The following BANK1 variants were observed in gnomAD, a reference collection of about 807,000 sequenced individuals.
The protein encoded by BANK1 is B cell scaffold protein with ankyrin repeats 1.
In BANK1, 95 loss-of-function variants were observed where a neutral mutation model predicts 94.5. The ratio of observed to expected loss-of-function variants is 1.00; its 90% CI spans 0.85 to 1.19. BANK1 has a LOEUF of 1.19. Among genes scored for constraint, BANK1 ranks in the 50% most tolerant of loss-of-function variants. BANK1 has a pLI of 0.00. For missense variants in BANK1, 987 were observed against 932.2 expected, an observed-to-expected ratio of 1.06 and a Z score of -0.77; for synonymous variants, 334 against 308.4, an observed-to-expected ratio of 1.08 and a Z score of -0.87.
Position 102,060,197 on chromosome 4 carries a change from C to A in BANK1, c.1970-14C>A. 1 of 1,548,762 alleles carries A rather than the reference C, an allele frequency of 6.5e-7. No homozygotes were observed. The highest frequency in any genetic ancestry group is 8.6e-7 in the Non-Finnish European group (1 of 1,157,176). ...CTGGACTTTCTGTTAATGCACCCTC[C>A]CCTTGTATTTTAGACAGAGCTCGGA... is the stretch of plus-strand genomic sequence containing the variant. On this transcript the variant is annotated splice_polypyrimidine_tract_variant and intron_variant, in intron 11 of 16. Transcript: ENST00000322953.
Position 101,895,310 on chromosome 4 carries a change from C to T in BANK1, c.909C>T (p.Ser303=), listed in dbSNP as rs62321738. 1.0e-5 allele frequency: 16 copies of T among 1,558,496 alleles called. No individual in the cohort carries two copies. The East Asian group carries it at 3.8e-4, about 37-fold the overall frequency. The stretch of plus-strand genomic sequence containing the variant: ...TCTTTTTCACTTGAAAACAGAATAG[C>T]ATTGAAGAACTTGATGGTGTCCTTA... ...ADSGESLCQN[S]IEELDGVLTS... is the part of the protein sequence containing the mutation. The change falls in exon 6 of 17, where the codon AGC becomes AGT. Residue 303 remains serine, a synonymous_variant. Transcript: ENST00000322953.
rs147962747 is a variant in BANK1 at position 101,944,121 on chromosome 4, A to G, written c.1206+25932A>G. ...GTGAATGTGTGTGTGTACAGATCCA[A>G]CTGATTTAATACTCCTCAGTAAGCC... On this transcript the variant is annotated intron_variant, in intron 7 of 16. Coordinates refer to ENST00000322953, the MANE Select transcript of BANK1 (RefSeq NM_017935.5). 5.0e-3 allele frequency among the ~76,000 whole-genome samples: 764 copies of G among 151,644 alleles called. 2 individuals carry two copies. Among genetic ancestry groups the G allele is most frequent in the Non-Finnish European group, 8.7e-3 (590 of 67,780 alleles).
chr4:102,019,669 A>G (rs565693901), intron 7 of BANK1, among the ~76,000 whole-genome samples: 42 of 152,340 alleles, frequency 2.8e-4, no homozygotes, highest in Admixed American at 2.5e-3. Context: ...TCATCTTTGA[A>G]GCCATCATTG....
At chr4:101,837,301 T>C (rs1726865943) in intron 2 of BANK1, among the ~76,000 whole-genome samples, 1 of 152,226 alleles carries the variant, frequency 6.6e-6, no homozygotes, top group South Asian at 2.1e-4. Context: ...AATTGTTAGC[T>C]GCCAACTTTA....
At chr4:101,910,204 CA>C (rs1345344563) in intron 6 of BANK1, among the ~76,000 whole-genome samples, 3 of 152,110 alleles carry the variant, frequency 2.0e-5, no homozygotes, top group African/African-American at 4.8e-5. Context: ...GGGTTGGGTA[CA>C]AGAATTTACA....
At chr4:101,944,403 T>A (rs1039617878) in intron 7 of BANK1, among the ~76,000 whole-genome samples, 1 of 151,932 alleles carries the variant, frequency 6.6e-6, no homozygotes, top group African/African-American at 2.4e-5. Context: ...CTTAGGATGT[T>A]CACCCCTGTT....
At chr4:101,952,641 G>A (rs932950109) in intron 7 of BANK1, among the ~76,000 whole-genome samples, 1 of 152,030 alleles carries the variant, frequency 6.6e-6, no homozygotes, top group African/African-American at 2.4e-5. Flanking sequence ...TAAAACATTG[G>A]CTCATAATAG....
intron 6 of BANK1, among the ~76,000 whole-genome samples, chr4:101,910,569 C>T (rs766254793): frequency 2.6e-4 from 39 of 151,762 alleles, no homozygotes; most frequent in Non-Finnish European, 4.7e-4. Flanking sequence ...TGGTGCATGC[C>T]TGTAATCCCA....
chr4:101,970,171 G>C (rs1003783339), intron 7 of BANK1, among the ~76,000 whole-genome samples: 1 of 152,024 alleles, frequency 6.6e-6, no homozygotes, highest in Non-Finnish European at 1.5e-5. Flanking sequence ...TTCCTTCTGC[G>C]TGTCAGGCAC....
At chr4:102,039,685 A>T (rs1182780920) in intron 10 of BANK1, among the ~76,000 whole-genome samples, 1 of 152,048 alleles carries the variant, frequency 6.6e-6, no homozygotes, top group Non-Finnish European at 1.5e-5. Flanking sequence ...ACACACCAAA[A>T]CAGAGGACAG....
rs1187757099 is a variant in BANK1, at chr4:102,029,625, GCT to G, written c.1595-326_1595-325del. Among the ~76,000 whole-genome samples, 15 of 147,898 alleles carry G rather than the reference GCT, an allele frequency of 1.0e-4. 1 individual carries two copies. In the South Asian group the frequency reaches 3.2e-3, roughly 31 times the overall value. ...TATATAAAAATAATATATATATATT[GCT>G]CTCTCTCTACACAAAATAATATGGA... On this transcript the variant is annotated intron_variant, in intron 9 of 16. Coordinates refer to ENST00000322953, the MANE Select transcript of BANK1 (RefSeq NM_017935.5).
intron 10 of BANK1, among the ~76,000 whole-genome samples, chr4:102,030,817 AT>A (rs896761895): frequency 6.6e-6 from 1 of 151,890 alleles, no homozygotes; most frequent in Non-Finnish European, 1.5e-5. Flanking sequence ...TATATGCCAC[AT>A]TTTCTTTATC....
intron 7 of BANK1, among the ~76,000 whole-genome samples, chr4:101,932,261 CT>C (rs1723378039): frequency 6.6e-6 from 1 of 151,496 alleles, no homozygotes; most frequent in Admixed American, 6.6e-5. Context: ...TAGAATTCAA[CT>C]GTTTCCTGAT....
In BANK1 at chr4:101,907,476, TC is replaced by T. The variant is rs1722493503; in HGVS notation, c.1010-10514del. On this transcript the variant is annotated intron_variant, in intron 6 of 16. Transcript: ENST00000322953. Reference sequence around the variant, plus strand: ...CTGAATGGGGAAAAACTGGAAGCATTCCCTTTGAAAACTGGCAAAAGACAGG... The same window carrying T: ...CTGAATGGGGAAAAACTGGAAGCATTCCTTTGAAAACTGGCAAAAGACAGG... 2.0e-5 allele frequency among the ~76,000 whole-genome samples: 3 copies of T among 152,156 alleles called. No individual in the cohort carries two copies. The South Asian group carries it at 6.2e-4, about 32-fold the overall frequency.
chr4:101,994,578 A>G (rs929488990), intron 7 of BANK1, among the ~76,000 whole-genome samples: 1 of 152,166 alleles, frequency 6.6e-6, no homozygotes, highest in African/African-American at 2.4e-5. Context: ...TACATGGTGC[A>G]TGAAAATGGA....
chr4:102,037,438 C>A (rs1374335168), intron 10 of BANK1, among the ~76,000 whole-genome samples: 1 of 152,212 alleles, frequency 6.6e-6, no homozygotes, highest in Non-Finnish European at 1.5e-5. Flanking sequence ...TCCACAACTA[C>A]TGTCTTTTTA....
chr4:102,064,163 C>T (rs992431234), intron 13 of BANK1, among the ~76,000 whole-genome samples: 7 of 152,194 alleles, frequency 4.6e-5, no homozygotes, highest in African/African-American at 1.7e-4. Flanking sequence ...CTTCCATTTT[C>T]ATTAATATTG....
chr4:101,892,334 A>G (rs1721906088), intron 5 of BANK1, among the ~76,000 whole-genome samples: 1 of 151,542 alleles, frequency 6.6e-6, no homozygotes, highest in Admixed American at 6.6e-5. Flanking sequence ...AATGATTTTT[A>G]AGTTACATTC....
intron 5 of BANK1, among the ~76,000 whole-genome samples, chr4:101,875,239 G>A (rs1728445361): frequency 6.6e-6 from 1 of 152,148 alleles, no homozygotes; most frequent in African/African-American, 2.4e-5. Flanking sequence ...GGGAGAGGGA[G>A]AGCACAGCAA....
Sources: allele counts gnomAD v4.1 joint callset (sites outside exome capture counted in the v4.1 genomes callset), GRCh38; gene constraint gnomAD v4.1.1; transcripts MANE v1.5; gene names NCBI Gene and HGNC (gene_info 2026-07-23, HGNC 2026-07-21).